The following GALNT17 variants were observed in gnomAD, a reference collection of about 807,000 sequenced individuals.
GALNT17 encodes the protein UDP-GalNAc:polypeptide N-acetylgalactosaminyltransferase-like 3.
In GALNT17, 29 loss-of-function variants were observed where a neutral mutation model predicts 63.7. The ratio of observed to expected loss-of-function variants is 0.46; its 90% CI spans 0.34 to 0.62. The LOEUF (loss-of-function observed/expected upper bound fraction) is 0.62. Ranked by LOEUF, GALNT17 falls within the 20% of genes least tolerant of loss-of-function variation. The pLI, the probability that GALNT17 is intolerant of heterozygous loss-of-function variation, is 0.01. For missense variants in GALNT17, 603 were observed against 799.6 expected, an observed-to-expected ratio of 0.75 and a Z score of 2.97; for synonymous variants, 305 against 318.3, an observed-to-expected ratio of 0.96 and a Z score of 0.45.
At chr7:71,399,195 C>T (rs1029108464) in intron 3 of GALNT17, among the ~76,000 whole-genome samples, 9 of 152,136 alleles carry the variant, frequency 5.9e-5, no homozygotes, top group East Asian at 5.8e-4. Flanking sequence ...GATTGCGCCA[C>T]GGCACTCCAG....
intron 1 of GALNT17, among the ~76,000 whole-genome samples, chr7:71,321,919 C>CTTCCTTCCTTCG (rs1791620081): frequency 1.6e-5 from 1 of 62,502 alleles, no homozygotes; most frequent in Non-Finnish European, 3.7e-5. Context: ...TCCTTCCTTC[C>CTTCCTTCCTTCG]TTCCCCTCCC....
chr7:71,256,986 C>T (rs2115594961), intron 1 of GALNT17, among the ~76,000 whole-genome samples: 1 of 152,318 alleles, frequency 6.6e-6, no homozygotes, highest in East Asian at 1.9e-4. Context: ...CTCTCTCGCA[C>T]TCCTACCCCC....
At chr7:71,419,333 G>C (rs1048939841) in intron 4 of GALNT17, among the ~76,000 whole-genome samples, 6 of 151,956 alleles carry the variant, frequency 3.9e-5, no homozygotes, top group African/African-American at 7.3e-5. Flanking sequence ...AACCTCCCTG[G>C]TCCTCAGTAT....
chr7:71,290,963 G>C (rs187764876), intron 1 of GALNT17, among the ~76,000 whole-genome samples: 1 of 152,318 alleles, frequency 6.6e-6, no homozygotes, highest in East Asian at 1.9e-4. Context: ...ACATTGAGAA[G>C]TGAGTTGGAA....
intron 6 of GALNT17, among the ~76,000 whole-genome samples, chr7:71,614,774 C>G (rs954417354): frequency 2.0e-5 from 3 of 149,024 alleles, no homozygotes; most frequent in Non-Finnish European, 3.0e-5. Flanking sequence ...GAGAAAGAAA[C>G]AGAGAAAGAG....
At chr7:71,396,526 T>C (rs1321287712) in intron 3 of GALNT17, among the ~76,000 whole-genome samples, 1 of 152,184 alleles carries the variant, frequency 6.6e-6, no homozygotes, top group Non-Finnish European at 1.5e-5. Context: ...TTTTTCTTTA[T>C]AGTAAATTTT....
chr7:71,325,464 T>C (rs1791689010), intron 1 of GALNT17, among the ~76,000 whole-genome samples: 1 of 152,198 alleles, frequency 6.6e-6, no homozygotes. Context: ...CATTTTGCTG[T>C]GGTCACCATC....
chr7:71,580,028 TGATG>T (rs955926107), intron 6 of GALNT17, among the ~76,000 whole-genome samples: 6 of 151,614 alleles, frequency 4.0e-5, no homozygotes, highest in South Asian at 2.1e-4. Flanking sequence ...ACGATAGAGA[TGATG>T]GATGGATAGA....
At chr7:71,386,980 T>C (rs774224714) in intron 2 of GALNT17, among the ~76,000 whole-genome samples, 11 of 152,056 alleles carry the variant, frequency 7.2e-5, no homozygotes, top group Non-Finnish European at 1.3e-4. Flanking sequence ...AAACAGAGCC[T>C]GAAACAAAGG....
rs548146513 is a variant in GALNT17 at position 71,368,395 on chromosome 7, T to C, written c.423-19840T>C. On this transcript the variant is annotated intron_variant, in intron 2 of 10. Transcript: ENST00000333538. ...ATTTTCTCTCCTCTGTTTTTACACA[T>C]GCTATTCATTTTTTTCCTAGAGAGT... is the stretch of plus-strand genomic sequence containing the variant. Among the ~76,000 whole-genome samples the C allele has an allele frequency of 9.2e-5, 14 of 152,300 alleles. No homozygotes were observed. In the South Asian group the frequency reaches 2.7e-3, roughly 29 times the overall value.
chr7:71,456,311 C>T (rs1202807811), intron 5 of GALNT17, among the ~76,000 whole-genome samples: 2 of 151,934 alleles, frequency 1.3e-5, no homozygotes, highest in Non-Finnish European at 2.9e-5. Flanking sequence ...AAGTATATTG[C>T]GAGAGTCAGT....
At chr7:71,208,614 C>T (rs1015862218) in intron 1 of GALNT17, among the ~76,000 whole-genome samples, 2 of 151,588 alleles carry the variant, frequency 1.3e-5, no homozygotes, top group Non-Finnish European at 2.9e-5. Context: ...TCATGCCCAG[C>T]CAATTTTTCG....
chr7:71,541,814 A>T (rs1376469065), intron 5 of GALNT17, among the ~76,000 whole-genome samples: 1 of 152,220 alleles, frequency 6.6e-6, no homozygotes, highest in Non-Finnish European at 1.5e-5. Flanking sequence ...AAAGGAAAGG[A>T]CAACCTCATT....
intron 9 of GALNT17, among the ~76,000 whole-genome samples, chr7:71,690,704 G>A (rs1791431192): frequency 6.6e-6 from 1 of 152,206 alleles, no homozygotes; most frequent in South Asian, 2.1e-4. Context: ...CAGGAGTGTG[G>A]AAGAAGTGGA....
At chr7:71,194,228 T>A (rs1789005096) in intron 1 of GALNT17, among the ~76,000 whole-genome samples, 1 of 152,142 alleles carries the variant, frequency 6.6e-6, no homozygotes, top group Admixed American at 6.5e-5. Context: ...GCAGATATGA[T>A]GTCCATGTCA....
At chr7:71,456,378 A>G (rs1787356565) in intron 5 of GALNT17, among the ~76,000 whole-genome samples, 1 of 152,084 alleles carries the variant, frequency 6.6e-6, no homozygotes, top group Non-Finnish European at 1.5e-5. Context: ...CCTGGGAAGG[A>G]TGCTTATGAT....
At chr7:71,186,083 AG>A (rs902160942) in intron 1 of GALNT17, among the ~76,000 whole-genome samples, 8 of 152,238 alleles carry the variant, frequency 5.3e-5, no homozygotes, top group African/African-American at 1.9e-4. Context: ...TACTCCATTT[AG>A]GTTTTCCAAA....
chr7:71,206,545 C>A (rs1009868098), intron 1 of GALNT17, among the ~76,000 whole-genome samples: 2 of 152,118 alleles, frequency 1.3e-5, no homozygotes, highest in Non-Finnish European at 2.9e-5. Context: ...AAATTGCTTT[C>A]CAGAGATTTC....
chr7:71,403,461 A>G (rs1055124780), intron 3 of GALNT17, among the ~76,000 whole-genome samples: 6 of 152,152 alleles, frequency 3.9e-5, no homozygotes, highest in Non-Finnish European at 8.8e-5. Context: ...ATCTGCTCTG[A>G]TGTTATATAG....
Sources: gnomAD v4.1 joint callset for allele counts (sites outside exome capture counted in the v4.1 genomes callset) on GRCh38, gnomAD v4.1.1 for gene constraint, MANE v1.5 for transcripts, NCBI Gene and HGNC (gene_info 2026-07-23, HGNC 2026-07-21) for gene names.